NRXN3: variants seen among roughly 807,000 people sequenced by gnomAD.
The protein encoded by NRXN3 is neurexin III.
A neutral mutation model predicts 137.6 loss-of-function variants in NRXN3; 32 were observed. The ratio of observed to expected loss-of-function variants is 0.23; its 90% CI spans 0.18 to 0.31. NRXN3 has a LOEUF of 0.31. NRXN3 is among the 10% of genes least tolerant of loss of function. The probability of loss-of-function intolerance (pLI) is 1.00; values close to 1 mark genes in which losing one functional copy is unlikely to be tolerated. For synonymous variants in NRXN3, 798 were observed against 784.5 expected (o/e 1.02, Z -0.29); for missense variants, 1,574 against 2,062.5 (o/e 0.76, Z 4.59).
intron 11 of NRXN3, among the ~76,000 whole-genome samples, 167 bp from the exon 12 acceptor site, chr14:78,965,858 G>A (rs565647483): frequency 6.6e-6 from 1 of 152,300 alleles, no homozygotes; most frequent in East Asian, 1.9e-4. Context: ...ATGCCTGATT[G>A]AGGCCAAGTA....
At chr14:79,795,766 G>T (rs1164377974) in intron 19 of NRXN3, among the ~76,000 whole-genome samples, 1 of 151,892 alleles carries the variant, frequency 6.6e-6, no homozygotes, top group African/African-American at 2.4e-5. Flanking sequence ...TGTATTTCTA[G>T]AAGTTGTATT....
chr14:79,774,904 A>T (rs1351220361), intron 19 of NRXN3, among the ~76,000 whole-genome samples: 1 of 152,082 alleles, frequency 6.6e-6, no homozygotes, highest in Non-Finnish European at 1.5e-5. Context: ...TACTATTGAA[A>T]GGGACAGGAA....
chr14:78,325,997 C>T (rs8005738), intron 4 of NRXN3, among the ~76,000 whole-genome samples: 67,314 of 151,978 alleles, frequency 0.44, 15,106 homozygotes, highest in East Asian at 0.67. Context: ...CTGAAAGCCC[C>T]GTCTTCCAGA....
intron 19 of NRXN3, among the ~76,000 whole-genome samples, chr14:79,791,955 A>G (rs1211713553): frequency 1.3e-5 from 2 of 152,182 alleles, no homozygotes; most frequent in Non-Finnish European, 2.9e-5. Flanking sequence ...CGCTGAAAGC[A>G]CTTTAAAGGC....
chr14:78,238,691 A>T (rs1357998921), intron 1 of NRXN3, among the ~76,000 whole-genome samples: 1 of 152,230 alleles, frequency 6.6e-6, no homozygotes, highest in Non-Finnish European at 1.5e-5. Flanking sequence ...CCCACTTGTG[A>T]TGTTATCACT....
At chr14:78,714,598 C>G (rs1333606769) in intron 7 of NRXN3, among the ~76,000 whole-genome samples, 158 bp from the exon 8 acceptor site, 1 of 152,142 alleles carries the variant, frequency 6.6e-6, no homozygotes, top group Non-Finnish European at 1.5e-5. Context: ...ACCAAACGGC[C>G]TACATTGTCT....
chr14:78,503,271 G>A (rs11159364), intron 4 of NRXN3, among the ~76,000 whole-genome samples: 63,432 of 152,008 alleles, frequency 0.42, 13,424 homozygotes, highest in East Asian at 0.51. Context: ...AAAATAAAGC[G>A]AGGCTTGGTT....
intron 19 of NRXN3, among the ~76,000 whole-genome samples, chr14:79,792,628 A>G (rs1219773400): frequency 6.6e-6 from 1 of 152,210 alleles, no homozygotes; most frequent in African/African-American, 2.4e-5. Context: ...GCAGAGTGTA[A>G]ATTAAAAATA....
At chr14:79,562,210 A>G (rs2097504215) in intron 16 of NRXN3, among the ~76,000 whole-genome samples, 1 of 152,164 alleles carries the variant, frequency 6.6e-6, no homozygotes, top group Non-Finnish European at 1.5e-5. Flanking sequence ...GTTGGACATA[A>G]AACCCAGGTA....
chr14:78,298,253 G>A (rs927620079), intron 4 of NRXN3, among the ~76,000 whole-genome samples: 10 of 152,196 alleles, frequency 6.6e-5, no homozygotes, highest in African/African-American at 2.4e-4. Flanking sequence ...GCTCCAGGCT[G>A]GGGGAGAGGA....
chr14:78,200,803 T>A (rs1377553116), intron 1 of NRXN3, among the ~76,000 whole-genome samples: 1 of 152,218 alleles, frequency 6.6e-6, no homozygotes, highest in Non-Finnish European at 1.5e-5. Context: ...ATCCTTGTCA[T>A]GCAAAGAACC....
intron 19 of NRXN3, among the ~76,000 whole-genome samples, chr14:79,761,793 G>A (rs543504459): frequency 3.3e-5 from 5 of 150,674 alleles, no homozygotes; most frequent in African/African-American, 1.2e-4. Flanking sequence ...TGTGTATTAA[G>A]AAGCTAAATC....
chr14:78,954,422 G>A (rs2099392737), intron 10 of NRXN3, among the ~76,000 whole-genome samples: 1 of 152,022 alleles, frequency 6.6e-6, no homozygotes, highest in Admixed American at 6.5e-5. Flanking sequence ...GTTACTGTTG[G>A]AGGTATCAAA....
chr14:79,069,563 T>A (rs1568180511), intron 15 of NRXN3, among the ~76,000 whole-genome samples: 1 of 146,430 alleles, frequency 6.8e-6, no homozygotes, highest in African/African-American at 2.5e-5. Context: ...TGAAATTTTA[T>A]AAAAAAAAAA....
Position 78,203,553 on chromosome 14 carries a change from G to A in NRXN3, c.-704+32879G>A, listed in dbSNP as rs527596349. Among the ~76,000 whole-genome samples, 60 of 152,210 alleles carry A rather than the reference G, an allele frequency of 3.9e-4. 1 individual carries two copies. The highest frequency in any genetic ancestry group is 1.4e-3 in the African/African-American group (60 of 41,516). ...GGGGTATGGCCACATGCAGAGAGGT[G>A]GAAAGGAGGGACAGGAAATGGGACC... On this transcript the variant is annotated intron_variant, in intron 1 of 20. Coordinates refer to ENST00000335750, the MANE Select transcript of NRXN3 (RefSeq NM_001330195.2).
At chr14:79,395,829 G>A (rs564123139) in intron 15 of NRXN3, among the ~76,000 whole-genome samples, 2 of 151,600 alleles carry the variant, frequency 1.3e-5, no homozygotes, top group Non-Finnish European at 1.5e-5. Context: ...AAAAATGCAG[G>A]CTGTGAATAT....
intron 4 of NRXN3, among the ~76,000 whole-genome samples, chr14:78,508,246 G>T (rs1005678188): frequency 2.0e-5 from 3 of 152,190 alleles, no homozygotes; most frequent in African/African-American, 7.2e-5. Flanking sequence ...CTGTAACGAG[G>T]TAGACTCCAT....
chr14:78,990,361 ATTTTTTTTTTT>A (rs1163720240), intron 15 of NRXN3, among the ~76,000 whole-genome samples: 1 of 76,070 alleles, frequency 1.3e-5, no homozygotes, highest in Non-Finnish European at 2.4e-5. Flanking sequence ...GTTCACATCT[ATTTTTTTTTTT>A]TTTTTTTTTT....
intron 4 of NRXN3, among the ~76,000 whole-genome samples, chr14:78,462,691 C>T (rs2094958453): frequency 6.6e-6 from 1 of 152,144 alleles, no homozygotes; most frequent in African/African-American, 2.4e-5. Flanking sequence ...CTTGGCAAAA[C>T]GAATACATAA....
Sources: allele counts gnomAD v4.1 joint callset (sites outside exome capture counted in the v4.1 genomes callset), GRCh38; gene constraint gnomAD v4.1.1; transcripts MANE v1.5; gene names NCBI Gene and HGNC (gene_info 2026-07-23, HGNC 2026-07-21).